The following KDR variants were observed in gnomAD, a reference collection of about 807,000 sequenced individuals.
KDR encodes the protein kinase insert domain receptor.
Under a neutral mutation model 160.9 loss-of-function variants are expected in KDR, and 43 were observed. The observed-to-expected ratio is 0.27, with a 90% CI of 0.21 to 0.34. The LOEUF (loss-of-function observed/expected upper bound fraction) is 0.34. KDR is among the 10% of genes least tolerant of loss of function. KDR has a pLI of 1.00. For synonymous variants in KDR, 617 were observed against 600.1 expected (o/e 1.03, Z -0.41); for missense variants, 1,469 against 1,666.4 (o/e 0.88, Z 2.06).
rs77193171 is a variant in KDR at position 55,109,691 on chromosome 4, C to T, written c.1255+712G>A. On this transcript the variant is annotated intron_variant, in intron 9 of 29. Coordinates refer to ENST00000263923, the MANE Select transcript of KDR (RefSeq NM_002253.4). ...ATACATTAGCATATAAAAGGTTCTG[C>T]GAAGTCCTGCAATAAAGAAACCTGT... Among the ~76,000 whole-genome samples, 143 of 152,196 alleles carry T rather than the reference C, an allele frequency of 9.4e-4. 1 individual carries two copies. Among genetic ancestry groups the T allele is most frequent in the Non-Finnish European group, 1.3e-3 (90 of 68,020 alleles).
At chr4:55,083,645 C>G (rs930548136) in intron 27 of KDR, among the ~76,000 whole-genome samples, 3 of 141,906 alleles carry the variant, frequency 2.1e-5, no homozygotes, top group Non-Finnish European at 4.7e-5. Context: ...GTCCTATTCA[C>G]TGGAAGGGCC....
intron 1 of KDR, among the ~76,000 whole-genome samples, chr4:55,122,279 G>A (rs1333364799): frequency 6.6e-6 from 1 of 152,058 alleles, no homozygotes; most frequent in Non-Finnish European, 1.5e-5. Flanking sequence ...AAAAGCATGA[G>A]AGAAAGAAAA....
At chr4:55,118,846 G>A in intron 2 of KDR, 46 bp from the exon 3 acceptor site, 1 of 1,489,542 alleles carries the variant, frequency 6.7e-7, no homozygotes, top group Non-Finnish European at 9.4e-7. Flanking sequence ...GTGCCAGACT[G>A]TGAGGCTATT....
intron 17 of KDR, 22 bp downstream of exon 17, chr4:55,098,115 T>C: frequency 6.2e-7 from 1 of 1,613,736 alleles, no homozygotes; most frequent in Non-Finnish European, 8.5e-7. Context: ...CAATATCAAA[T>C]TAATAGCAAT....
In KDR at chr4:55,098,251, T is replaced by C; in HGVS notation, c.2395A>G (p.Thr799Ala). 1.2e-6 allele frequency: 2 copies of C among 1,613,882 alleles called. No homozygotes were observed. The highest frequency in any genetic ancestry group is 1.7e-6 in the Non-Finnish European group (2 of 1,179,844). The change falls in exon 17 of 30, where the codon ACA (threonine) becomes GCA (alanine). Residue 799 changes from threonine (T) to alanine (A), a missense_variant. By Grantham distance (58) the Thr-to-Ala change is moderately conservative. Transcript: ENST00000263923. ...TCCATGACGATGGACAAGTAGCCTG[T>C]CTTCAGTTCCCCTCCATTGGCCTGG... ...VKRANGGELK[T>A]GYLSIVMDPD...
At chr4:55,095,313 C>T (rs1720122579) in intron 20 of KDR, among the ~76,000 whole-genome samples, 1 of 152,152 alleles carries the variant, frequency 6.6e-6, no homozygotes, top group South Asian at 2.1e-4. Flanking sequence ...ATGTCCTACC[C>T]TCTGCCCTCC....
rs754642542 is a variant in KDR at position 55,110,502 on chromosome 4, T to C, written c.1156A>G (p.Met386Val). 8 of 1,613,922 alleles carry C rather than the reference T, an allele frequency of 5.0e-6. No homozygotes were observed. The highest frequency in any genetic ancestry group is 6.8e-6 in the Non-Finnish European group (8 of 1,179,944). The part of the protein sequence containing the change: ...TIKAGHVLTI[M>V]EVSERDTGNY... Reference sequence around the variant, plus strand: ...CCTGTGTCTCTTTCACTCACTTCCATAATCGTCAGTACATGCCCCGCTTTA... The same window carrying C: ...CCTGTGTCTCTTTCACTCACTTCCACAATCGTCAGTACATGCCCCGCTTTA... The change falls in exon 9 of 30, where the codon ATG becomes GTG. Residue 386 changes from methionine to valine, a missense_variant. Met to Val is a conservative substitution (Grantham distance 21). Transcript: ENST00000263923.
chr4:55,112,652 C>A (rs1412403359), intron 7 of KDR, among the ~76,000 whole-genome samples: 1 of 151,758 alleles, frequency 6.6e-6, no homozygotes, highest in African/African-American at 2.4e-5. Flanking sequence ...CCTCAGCCTC[C>A]TGAGTAGCTG....
At chr4:55,117,712 G>A (rs930676441) in intron 3 of KDR, among the ~76,000 whole-genome samples, 6 of 152,212 alleles carry the variant, frequency 3.9e-5, no homozygotes, top group African/African-American at 1.4e-4. Context: ...ACTCTGGGAT[G>A]TAAAAAGGCA....
intron 26 of KDR, 135 bp downstream of exon 26, chr4:55,088,733 C>G (rs2110009920): frequency 2.8e-6 from 2 of 713,028 alleles, no homozygotes; most frequent in East Asian, 2.7e-5. Context: ...CATTATTACT[C>G]AGATGTAGAA....
chr4:55,095,041 T>C (rs918658340), intron 20 of KDR, 86 bp from the exon 21 acceptor site: 9 of 1,293,540 alleles, frequency 7.0e-6, no homozygotes, highest in African/African-American at 5.9e-5. Flanking sequence ...TAGTAAACCA[T>C]GGAGATAATT....
intron 22 of KDR, among the ~76,000 whole-genome samples, chr4:55,092,143 CT>C (rs1442324574): frequency 6.6e-6 from 1 of 152,166 alleles, no homozygotes; most frequent in Non-Finnish European, 1.5e-5. Context: ...CCTCGTCTAC[CT>C]TGTTTAAAGT....
Position 55,106,798 on chromosome 4 carries a change from T to C in KDR, c.1425A>G (p.Ser475=). 1 of 1,607,962 alleles carries C rather than the reference T, an allele frequency of 6.2e-7. No individual in the cohort carries two copies. The change falls in exon 11 of 30, where the codon TCA becomes TCG. Residue 475 remains serine, a synonymous_variant. Coordinates refer to ENST00000263923, the MANE Select transcript of KDR (RefSeq NM_002253.4). ...CTTCACAAGGGTATGGGTTTGTCACTGAGACAGCTTGGCTATAAGAAAGAG... is the reference window on the plus strand; with the variant it reads ...CTTCACAAGGGTATGGGTTTGTCACCGAGACAGCTTGGCTATAAGAAAGAG... ...ECANEPSQAV[S]VTNPYPCEEW... is the part of the protein sequence containing the mutation.
At chr4:55,118,528 T>G in intron 3 of KDR, 76 bp downstream of exon 3, 1 of 1,154,964 alleles carries the variant, frequency 8.7e-7, no homozygotes, top group Non-Finnish European at 1.3e-6. Flanking sequence ...TTTGTTGTAC[T>G]CAATTCTTCT....
At chr4:55,083,190 G>A (rs1290636134) in intron 27 of KDR, among the ~76,000 whole-genome samples, 1 of 152,154 alleles carries the variant, frequency 6.6e-6, no homozygotes, top group African/African-American at 2.4e-5. Context: ...GGTGGGCTGA[G>A]TCTCACTGTC....
rs2110034584 is a variant in KDR at position 55,118,770 on chromosome 4, G to A, written c.192C>T (p.Pro64=). The A allele has an allele frequency of 6.2e-7, 1 of 1,614,116 alleles. No homozygotes were observed. Among genetic ancestry groups the A allele is most frequent in the Non-Finnish European group, 8.5e-7 (1 of 1,180,014 alleles). The change falls in exon 3 of 30, where the codon CCC becomes CCT. Residue 64 remains proline, a synonymous_variant. Transcript: ENST00000263923. Reference sequence around the variant, plus strand: ...TTTGCTCACTGCCACTCTGATTATTGGGCCAAAGCCAGTCCAAGTCCCTCT... The same window carrying A: ...TTTGCTCACTGCCACTCTGATTATTAGGCCAAAGCCAGTCCAAGTCCCTCT... ...RGQRDLDWLW[P]NNQSGSEQRV...
At chr4:55,112,884 TC>T (rs940582363) in intron 7 of KDR, among the ~76,000 whole-genome samples, 3 of 152,114 alleles carry the variant, frequency 2.0e-5, no homozygotes, top group South Asian at 4.1e-4. Context: ...TCCCCTGAGT[TC>T]CCCCAATCCC....
intron 7 of KDR, among the ~76,000 whole-genome samples, chr4:55,111,815 A>C (rs1720591233): frequency 6.6e-6 from 1 of 152,222 alleles, no homozygotes; most frequent in African/African-American, 2.4e-5. Context: ...AGAGGTCAAG[A>C]GCATAGCTTT....
chr4:55,083,562 C>T (rs745376791), intron 27 of KDR, among the ~76,000 whole-genome samples: 1 of 152,026 alleles, frequency 6.6e-6, no homozygotes, highest in Non-Finnish European at 1.5e-5. Context: ...ATGCTCCTTC[C>T]CGGCCGTGTG....
Sources: allele counts gnomAD v4.1 joint callset (sites outside exome capture counted in the v4.1 genomes callset), GRCh38; gene constraint gnomAD v4.1.1; transcripts MANE v1.5; gene names NCBI Gene and HGNC (gene_info 2026-07-23, HGNC 2026-07-21).